The following TM9SF4 variants were observed in gnomAD, a reference collection of about 807,000 sequenced individuals.
The protein encoded by TM9SF4 is transmembrane 9 superfamily member 4.
In TM9SF4, 26 loss-of-function variants were observed where a neutral mutation model predicts 90.4. The observed-to-expected ratio is 0.29, with a 90% CI of 0.21 to 0.40. The LOEUF is 0.40. Ranked by LOEUF, TM9SF4 falls within the 10% of genes least tolerant of loss-of-function variation. The pLI is 1.00. For synonymous variants in TM9SF4, 293 were observed against 315.4 expected (o/e 0.93, Z 0.75); for missense variants, 549 against 834.8 (o/e 0.66, Z 4.22).
intron 3 of TM9SF4, chr20:32,136,762 G>A (rs561109360): frequency 3.4e-4 from 154 of 452,480 alleles, no homozygotes; most frequent in African/African-American, 8.5e-4. Context: ...GTGTCTAGTC[G>A]TACACAGTTA....
chr20:32,122,258 ACCCCCCACCTCCCTCCCGGACGGGGCG>A (rs1569050290), intron 1 of TM9SF4, among the ~76,000 whole-genome samples: 1 of 22,744 alleles, frequency 4.4e-5, no homozygotes, highest in Non-Finnish European at 1.6e-4. Context: ...CGGGGGGCTG[ACCCCCCACCTCCCTCCCGGACGGGGCG>A]GCTGGCCTGG....
intron 2 of TM9SF4, among the ~76,000 whole-genome samples, chr20:32,133,495 C>G (rs767228624): frequency 6.6e-6 from 1 of 152,218 alleles, no homozygotes; most frequent in African/African-American, 2.4e-5. Context: ...TCCATCTTCT[C>G]TGTTACCAGC....
chr20:32,155,994 A>AT (rs1412301324), intron 13 of TM9SF4, among the ~76,000 whole-genome samples: 6 of 152,206 alleles, frequency 3.9e-5, no homozygotes, highest in Admixed American at 3.9e-4. Context: ...CCAGCTGCTC[A>AT]TTATAAACAT....
chr20:32,140,077 C>T (rs142066611), intron 3 of TM9SF4, among the ~76,000 whole-genome samples: 2 of 152,332 alleles, frequency 1.3e-5, no homozygotes, highest in Admixed American at 1.3e-4. Flanking sequence ...AGCCAGTACC[C>T]AGTACATGTT....
chr20:32,152,910 CT>C (rs1165201465), intron 12 of TM9SF4, among the ~76,000 whole-genome samples: 1 of 152,184 alleles, frequency 6.6e-6, no homozygotes, highest in Non-Finnish European at 1.5e-5. Flanking sequence ...CTCCCTGGAG[CT>C]TTTTTTCCTA....
At chr20:32,115,531 C>G (rs2046205560) in intron 1 of TM9SF4, among the ~76,000 whole-genome samples, 1 of 152,178 alleles carries the variant, frequency 6.6e-6, no homozygotes, top group Non-Finnish European at 1.5e-5. Context: ...TTCTCAGTTC[C>G]ATCTCATTCC....
intron 3 of TM9SF4, among the ~76,000 whole-genome samples, chr20:32,136,665 C>T (rs1446989696): frequency 1.3e-5 from 2 of 152,190 alleles, no homozygotes; most frequent in Non-Finnish European, 2.9e-5. Context: ...GCACCCAGTG[C>T]AGTGTCTGAC....
intron 8 of TM9SF4, 84 bp downstream of exon 8, chr20:32,145,507 A>G (rs1435742020): frequency 3.0e-5 from 38 of 1,268,726 alleles, no homozygotes; most frequent in Non-Finnish European, 4.1e-5. Context: ...GGGGACTTCC[A>G]GGGTGTTCTG....
chr20:32,163,763 C>T (rs1336336736), intron 17 of TM9SF4, among the ~76,000 whole-genome samples: 2 of 151,866 alleles, frequency 1.3e-5, no homozygotes, highest in Non-Finnish European at 1.5e-5. Context: ...AGGTGCACAC[C>T]ACCACGCCCG....
chr20:32,153,906 G>C (rs2046879672), intron 12 of TM9SF4, among the ~76,000 whole-genome samples: 1 of 152,200 alleles, frequency 6.6e-6, no homozygotes, highest in African/African-American at 2.4e-5. Context: ...TTATACCTCT[G>C]CTGTACCTTC....
chr20:32,143,223 G>C, intron 6 of TM9SF4, 118 bp downstream of exon 6: 1 of 1,281,252 alleles, frequency 7.8e-7, no homozygotes, highest in Non-Finnish European at 1.1e-6. Flanking sequence ...TGGCGTGTGG[G>C]CCCAGCCAAG....
intron 12 of TM9SF4, among the ~76,000 whole-genome samples, chr20:32,154,517 G>A (rs540026220): frequency 2.0e-5 from 3 of 151,386 alleles, no homozygotes; most frequent in East Asian, 3.9e-4. Context: ...GCAGTGGCAC[G>A]ATCTCTGCTC....
At chr20:32,131,519 G>T (rs1298485282) in intron 1 of TM9SF4, among the ~76,000 whole-genome samples, 1 of 145,114 alleles carries the variant, frequency 6.9e-6, no homozygotes, top group Non-Finnish European at 1.5e-5. Context: ...TTGGTTAGTT[G>T]GTTGCTTGGT....
chr20:32,123,884 ATAGG>A (rs1395765540), intron 1 of TM9SF4, among the ~76,000 whole-genome samples: 1 of 47,222 alleles, frequency 2.1e-5, no homozygotes, highest in Non-Finnish European at 4.3e-5. Flanking sequence ...TTTTAAAGAG[ATAGG>A]GTCTCCCTCT....
intron 12 of TM9SF4, among the ~76,000 whole-genome samples, chr20:32,152,441 G>A (rs939298769): frequency 2.0e-5 from 3 of 150,652 alleles, no homozygotes; most frequent in Non-Finnish European, 4.4e-5. Flanking sequence ...CCTTCCTCAT[G>A]CCTCATTCCT....
chr20:32,136,095 C>T lies in TM9SF4; in HGVS notation c.151C>T (p.Arg51Ter). 1.9e-6 allele frequency: 3 copies of T among 1,614,144 alleles called. No homozygotes were observed. Among genetic ancestry groups the T allele is most frequent in the East Asian group, 2.2e-5 (1 of 44,884 alleles). Residue 51 changes from arginine (R) to a stop codon, truncating the protein, a stop_gained, in exon 3 of 18, where the codon CGA (arginine) becomes TGA (stop). Coordinates refer to ENST00000398022, the MANE Select transcript of TM9SF4 (RefSeq NM_014742.4). LOFTEE classifies it high-confidence loss of function. ...EIKAVKLTSS[R>*]TQLPYEYYSL... ...TCAGGCTGTGAAGCTCACCAGCTCT[C>T]GAACCCAGCTACCTTATGAATACTA... is the stretch of plus-strand genomic sequence containing the variant.
chr20:32,110,596 C>T (rs2046128822), intron 1 of TM9SF4, among the ~76,000 whole-genome samples: 1 of 152,186 alleles, frequency 6.6e-6, no homozygotes, highest in Non-Finnish European at 1.5e-5. Context: ...CTGTGAACTA[C>T]GTTTTGAAAA....
intron 7 of TM9SF4, 36 bp downstream of exon 7, chr20:32,145,245 G>C: frequency 6.2e-7 from 1 of 1,613,424 alleles, no homozygotes; most frequent in South Asian, 1.1e-5. Context: ...CAGGGGAGGA[G>C]GGCTCTGGTC....
intron 1 of TM9SF4, among the ~76,000 whole-genome samples, chr20:32,112,020 C>T (rs1224005190): frequency 6.6e-5 from 10 of 152,176 alleles, no homozygotes; most frequent in Non-Finnish European, 1.5e-4. Context: ...CCTTCCCATC[C>T]CCTTCAGGAC....
Sources: allele counts gnomAD v4.1 joint callset (sites outside exome capture counted in the v4.1 genomes callset), GRCh38; gene constraint gnomAD v4.1.1; transcripts MANE v1.5; gene names NCBI Gene and HGNC (gene_info 2026-07-23, HGNC 2026-07-21).